The following TENM4 variants were observed in gnomAD, a reference collection of about 807,000 sequenced individuals.
TENM4 encodes the protein teneurin transmembrane protein 4, also known as teneurin-4.
In TENM4, 82 loss-of-function variants were observed where a neutral mutation model predicts 243.3. That is an observed-to-expected ratio of 0.34 (90% CI 0.28 to 0.40). The LOEUF (loss-of-function observed/expected upper bound fraction) is 0.40, where lower values mean the gene tolerates loss of function less well. TENM4 is among the 10% of genes least tolerant of loss of function. TENM4 has a pLI of 1.00. For missense variants in TENM4, 3,138 were observed against 3,673.3 expected (o/e 0.85, Z 3.77); for synonymous variants, 1,412 against 1,456.3 (o/e 0.97, Z 0.69).
At chr11:79,259,711 C>T (rs72937374) in intron 2 of TENM4, among the ~76,000 whole-genome samples, 8,311 of 148,468 alleles carry the variant, frequency 0.056, 340 homozygotes, top group Middle Eastern at 0.12. Context: ...CCATGCACAC[C>T]CATCCATCCA....
intron 12 of TENM4, among the ~76,000 whole-genome samples, chr11:78,850,488 C>T (rs1252241736): frequency 6.6e-6 from 1 of 152,184 alleles, no homozygotes; most frequent in Non-Finnish European, 1.5e-5. Flanking sequence ...TTTTAATTAA[C>T]CTGCCAAGAC....
intron 19 of TENM4, among the ~76,000 whole-genome samples, chr11:78,743,575 T>C (rs1855980054): frequency 6.6e-6 from 1 of 152,196 alleles, no homozygotes; most frequent in Non-Finnish European, 1.5e-5. Flanking sequence ...AACCTAGGGC[T>C]GGAAGGGTTG....
chr11:79,070,959 C>T (rs554068462), intron 4 of TENM4, among the ~76,000 whole-genome samples: 5 of 152,312 alleles, frequency 3.3e-5, no homozygotes, highest in African/African-American at 1.2e-4. Flanking sequence ...TCAGTGCCAC[C>T]GTCAGCACTG....
chr11:79,157,727 C>T (rs1862652314), intron 3 of TENM4, among the ~76,000 whole-genome samples: 1 of 152,338 alleles, frequency 6.6e-6, no homozygotes, highest in East Asian at 1.9e-4. Context: ...CTCTGTAAAA[C>T]CTCCCCTGAG....
chr11:79,284,653 A>T (rs369913863), intron 2 of TENM4, among the ~76,000 whole-genome samples: 5 of 152,364 alleles, frequency 3.3e-5, no homozygotes, highest in African/African-American at 1.2e-4. Context: ...GGTTTCTTAG[A>T]TGTGACACCA....
intron 19 of TENM4, among the ~76,000 whole-genome samples, chr11:78,745,963 AT>A (rs1307141623): frequency 6.6e-6 from 1 of 151,380 alleles, no homozygotes; most frequent in Non-Finnish European, 1.5e-5. Flanking sequence ...CCCTTTTTTT[AT>A]TTTTTTGAGA....
At chr11:79,152,670 C>T (rs915590364) in intron 3 of TENM4, among the ~76,000 whole-genome samples, 1 of 152,224 alleles carries the variant, frequency 6.6e-6, no homozygotes, top group Non-Finnish European at 1.5e-5. Context: ...CCTCCAACCC[C>T]TTCCAATGCC....
chr11:79,004,784 A>T (rs910258620), intron 6 of TENM4, among the ~76,000 whole-genome samples: 2 of 152,086 alleles, frequency 1.3e-5, no homozygotes, highest in Admixed American at 6.5e-5. Context: ...GATGCAAAAA[A>T]CCATAAGAAA....
intron 32 of TENM4, among the ~76,000 whole-genome samples, chr11:78,664,412 G>A (rs903035859): frequency 2.6e-5 from 4 of 152,114 alleles, no homozygotes; most frequent in Admixed American, 2.6e-4. Context: ...TTTTTGTAGA[G>A]ATGGGGTCTC....
rs778708443 is a variant in TENM4, at chr11:79,215,808, C to G, written c.-163G>C. On this transcript the variant is annotated splice_region_variant and 5_prime_UTR_variant, in exon 3 of 34. Coordinates refer to ENST00000278550, the MANE Select transcript of TENM4 (RefSeq NM_001098816.3). ...AATCAGAGCAGACAAGGGGACTGAC[C>G]TGGCTCCATGTCAGCACGTTCTGAA... The G allele has an allele frequency of 2.3e-4, 226 of 985,760 alleles. No homozygotes were observed. The highest frequency in any genetic ancestry group is 2.7e-4 in the Non-Finnish European group (224 of 829,964). The allele number at this position is 985,760 out of a possible 1,614,324, so 61.1% of individuals were successfully genotyped here.
At chr11:79,104,697 G>A (rs1482915345) in intron 4 of TENM4, among the ~76,000 whole-genome samples, 3 of 152,218 alleles carry the variant, frequency 2.0e-5, no homozygotes, top group African/African-American at 7.2e-5. Context: ...TTTGCATGAT[G>A]TTCTGCTTAT....
intron 1 of TENM4, among the ~76,000 whole-genome samples, chr11:79,364,808 A>T (rs17138230): frequency 0.16 from 24,283 of 152,092 alleles, 2,033 homozygotes; most frequent in African/African-American, 0.17. Context: ...TACTGTACTA[A>T]TTGTCCTACA....
intron 1 of TENM4, among the ~76,000 whole-genome samples, chr11:79,301,142 G>C (rs1856543844): frequency 6.6e-6 from 1 of 152,182 alleles, no homozygotes; most frequent in South Asian, 2.1e-4. Context: ...CCTGAAGCCA[G>C]AAGTATTTTT....
chr11:79,380,555 C>A (rs1365977715), intron 1 of TENM4, among the ~76,000 whole-genome samples: 1 of 152,132 alleles, frequency 6.6e-6, no homozygotes, highest in Non-Finnish European at 1.5e-5. Context: ...AGCAAAGATT[C>A]CTTGTCGCAT....
At chr11:79,146,493 T>C (rs553295992) in intron 4 of TENM4, among the ~76,000 whole-genome samples, 1 of 152,222 alleles carries the variant, frequency 6.6e-6, no homozygotes, top group Non-Finnish European at 1.5e-5. Flanking sequence ...AAATTAGCCC[T>C]TTCAACAGGT....
intron 4 of TENM4, among the ~76,000 whole-genome samples, chr11:79,088,717 A>G (rs11237712): frequency 0.059 from 9,038 of 152,256 alleles, 395 homozygotes; most frequent in East Asian, 0.24. Flanking sequence ...TCTCCGGCCC[A>G]TTCACACTAT....
At chr11:79,368,316 A>G (rs1230729106) in intron 1 of TENM4, among the ~76,000 whole-genome samples, 1 of 152,260 alleles carries the variant, frequency 6.6e-6, no homozygotes. Flanking sequence ...GCCCAGAGCC[A>G]CAGTTAGCAT....
chr11:78,946,349 C>T (rs1482820441), intron 6 of TENM4, among the ~76,000 whole-genome samples: 1 of 152,206 alleles, frequency 6.6e-6, no homozygotes, highest in African/African-American at 2.4e-5. Flanking sequence ...CATCTGTTTA[C>T]AGCATGGTTT....
At chr11:78,854,687 T>C (rs774660562) in intron 11 of TENM4, among the ~76,000 whole-genome samples, 1 of 152,152 alleles carries the variant, frequency 6.6e-6, no homozygotes, top group African/African-American at 2.4e-5. Context: ...TTGGTTGAAC[T>C]TCATGCAAGT....
Sources: allele counts gnomAD v4.1 joint callset (sites outside exome capture counted in the v4.1 genomes callset), GRCh38; gene constraint gnomAD v4.1.1; transcripts MANE v1.5; gene names NCBI Gene and HGNC (gene_info 2026-07-23, HGNC 2026-07-21).